The following ZDHHC14 variants were observed in gnomAD, a reference collection of about 807,000 sequenced individuals.
ZDHHC14 encodes palmitoyltransferase ZDHHC14.
A neutral mutation model predicts 47.7 loss-of-function variants in ZDHHC14; 16 were observed. That is an observed-to-expected ratio of 0.34 (90% confidence interval 0.23 to 0.51). The LOEUF (loss-of-function observed/expected upper bound fraction) is 0.51, where lower values mean the gene tolerates loss of function less well. Ranked by LOEUF, ZDHHC14 falls within the 20% of genes least tolerant of loss-of-function variation. The pLI is 0.97. For synonymous variants in ZDHHC14, 293 were observed against 278.9 expected, an observed-to-expected ratio of 1.05 and a Z score of -0.50; for missense variants, 515 against 662.5, an observed-to-expected ratio of 0.78 and a Z score of 2.44.
chr6:157,612,099 C>T (rs567686244), intron 3 of ZDHHC14, among the ~76,000 whole-genome samples: 19 of 152,300 alleles, frequency 1.2e-4, no homozygotes, highest in Admixed American at 5.2e-4. Context: ...AGGGTCCTAC[C>T]GACTCCTTTC....
intron 1 of ZDHHC14, among the ~76,000 whole-genome samples, chr6:157,476,808 C>T (rs761140507): frequency 1.4e-4 from 22 of 152,184 alleles, no homozygotes; most frequent in Admixed American, 6.5e-5. Context: ...CAAAAATCAT[C>T]ATCGCAATAG....
chr6:157,463,978 T>C lies in ZDHHC14; in HGVS notation c.246-78607T>C, dbSNP rs1403682784. ...AGGTGGAGGTTGCAGTGAGCTGAGA[T>C]TGCATCACGGCACTCCAGCCTGGGT... is the stretch of plus-strand genomic sequence containing the variant. On this transcript the variant is annotated intron_variant, in intron 1 of 8. Coordinates refer to ENST00000359775, the MANE Select transcript of ZDHHC14 (RefSeq NM_024630.3). This position sits in a 1 kb window ranked among gnomAD's most constrained non-coding sequence, Gnocchi z 4.4. 3.3e-5 allele frequency among the ~76,000 whole-genome samples: 5 copies of C among 152,106 alleles called. No homozygotes were observed. The highest frequency in any genetic ancestry group is 9.7e-5 in the African/African-American group (4 of 41,406).
At chr6:157,497,189 T>C (rs1780089132) in intron 1 of ZDHHC14, among the ~76,000 whole-genome samples, 1 of 152,214 alleles carries the variant, frequency 6.6e-6, no homozygotes, top group African/African-American at 2.4e-5. Context: ...ACAGTGACTA[T>C]GGTGACTGTA....
chr6:157,574,340 T>C (rs1783216966), intron 2 of ZDHHC14, among the ~76,000 whole-genome samples: 1 of 152,116 alleles, frequency 6.6e-6, no homozygotes, highest in Admixed American at 6.5e-5. Context: ...GGAGAATCAC[T>C]TGAACCCGGG....
At chr6:157,542,885 G>T (rs917122322) in intron 2 of ZDHHC14, 140 bp downstream of exon 2, 62 of 1,066,712 alleles carry the variant, frequency 5.8e-5, no homozygotes, top group Non-Finnish European at 7.9e-5. Context: ...TCCTTAGCTC[G>T]CTGGGTGGGC....
intron 1 of ZDHHC14, among the ~76,000 whole-genome samples, chr6:157,410,270 A>C (rs1777848333): frequency 1.3e-5 from 2 of 152,116 alleles, no homozygotes; most frequent in African/African-American, 4.8e-5. Flanking sequence ...TGCAGTCAAA[A>C]CATGCATTGT....
intron 1 of ZDHHC14, among the ~76,000 whole-genome samples, chr6:157,482,816 C>T (rs1779667692): frequency 6.6e-6 from 1 of 151,178 alleles, no homozygotes; most frequent in Non-Finnish European, 1.5e-5. Context: ...GAACTCAGCT[C>T]ACTGCAACCT....
At chr6:157,656,253 C>T (rs1778083128) in intron 8 of ZDHHC14, among the ~76,000 whole-genome samples, 1 of 152,178 alleles carries the variant, frequency 6.6e-6, no homozygotes, top group Non-Finnish European at 1.5e-5. Context: ...TGGAAGAGGA[C>T]ACTGCAAAGG....
chr6:157,456,055 C>T (rs535025892), intron 1 of ZDHHC14, among the ~76,000 whole-genome samples: 228 of 152,226 alleles, frequency 1.5e-3, no homozygotes, highest in African/African-American at 5.3e-3. Flanking sequence ...TAGGTTTCAT[C>T]GGAGTTCATT....
chr6:157,478,921 G>A (rs1048930441), intron 1 of ZDHHC14, among the ~76,000 whole-genome samples: 1 of 152,206 alleles, frequency 6.6e-6, no homozygotes, highest in African/African-American at 2.4e-5. Context: ...TGAATTACAT[G>A]AAGCCTCTAG....
chr6:157,569,217 C>T (rs1321604121), intron 2 of ZDHHC14, among the ~76,000 whole-genome samples: 1 of 152,016 alleles, frequency 6.6e-6, no homozygotes, highest in Non-Finnish European at 1.5e-5. Context: ...TCCACTCCTC[C>T]TAATCAGATA....
intron 1 of ZDHHC14, among the ~76,000 whole-genome samples, chr6:157,465,852 G>C (rs1005607026): frequency 1.3e-5 from 2 of 152,064 alleles, no homozygotes; most frequent in Non-Finnish European, 2.9e-5. Context: ...GATCAGCCTG[G>C]CCCACACGGC....
chr6:157,525,516 A>G (rs1251551462), intron 1 of ZDHHC14, among the ~76,000 whole-genome samples: 1 of 152,058 alleles, frequency 6.6e-6, no homozygotes, highest in Non-Finnish European at 1.5e-5. Flanking sequence ...GAGAGGGCCA[A>G]TGAGAGCTCC....
chr6:157,632,635 A>G (rs1785794801), intron 4 of ZDHHC14, 199 bp from the exon 5 acceptor site: 8 of 627,656 alleles, frequency 1.3e-5, no homozygotes, highest in Non-Finnish European at 1.7e-5. Context: ...TGTTGGGCCT[A>G]ATTATGAATC....
intron 5 of ZDHHC14, among the ~76,000 whole-genome samples, chr6:157,635,765 C>G (rs996768260): frequency 6.6e-6 from 1 of 152,156 alleles, no homozygotes; most frequent in Non-Finnish European, 1.5e-5. Flanking sequence ...GCGTGCTGGC[C>G]GTGCCCGGAG....
intron 3 of ZDHHC14, among the ~76,000 whole-genome samples, chr6:157,608,052 A>G (rs969499341): frequency 2.0e-5 from 3 of 152,120 alleles, no homozygotes; most frequent in Non-Finnish European, 4.4e-5. Flanking sequence ...GCTTATCACT[A>G]CTGATTTGTG....
intron 1 of ZDHHC14, among the ~76,000 whole-genome samples, chr6:157,516,516 A>C (rs1780698999): frequency 6.6e-6 from 1 of 152,216 alleles, no homozygotes; most frequent in African/African-American, 2.4e-5. Context: ...TAAATCTATG[A>C]AAGTGTCTCC....
At chr6:157,547,834 T>G (rs1187145866) in intron 2 of ZDHHC14, among the ~76,000 whole-genome samples, 3 of 150,394 alleles carry the variant, frequency 2.0e-5, no homozygotes, top group African/African-American at 7.4e-5. Context: ...TAAGAAAAAT[T>G]TTTTTTGTGA....
intron 3 of ZDHHC14, among the ~76,000 whole-genome samples, chr6:157,622,898 A>C (rs2114941625): frequency 6.6e-6 from 1 of 152,256 alleles, no homozygotes; most frequent in African/African-American, 2.4e-5. Flanking sequence ...CTGGGTGTCT[A>C]CTGCATGCCA....
Sources: allele counts gnomAD v4.1 joint callset (sites outside exome capture counted in the v4.1 genomes callset), GRCh38; gene constraint gnomAD v4.1.1; non-coding constraint Gnocchi (gnomAD v3.1); transcripts MANE v1.5; gene names NCBI Gene and HGNC (gene_info 2026-07-23, HGNC 2026-07-21).